RPN2: variants seen among roughly 807,000 people sequenced by gnomAD.
RPN2 encodes the protein ribophorin II.
Under a neutral mutation model 71.4 loss-of-function variants are expected in RPN2, and 29 were observed. The observed-to-expected ratio is 0.41, with a 90% CI of 0.30 to 0.55. RPN2 has a LOEUF of 0.55. Ranked by LOEUF, RPN2 falls within the 20% of genes least tolerant of loss-of-function variation. The pLI, the probability that RPN2 is intolerant of heterozygous loss-of-function variation, is 0.35. For synonymous variants in RPN2, 308 were observed against 305.0 expected, an observed-to-expected ratio of 1.01 and a Z score of -0.10; for missense variants, 726 against 774.1, an observed-to-expected ratio of 0.94 and a Z score of 0.74.
At chr20:37,199,515 G>A (rs544378777) in intron 4 of RPN2, among the ~76,000 whole-genome samples, 8 of 152,188 alleles carry the variant, frequency 5.3e-5, no homozygotes, top group Admixed American at 2.6e-4. Context: ...TGCCTTGTGC[G>A]GTTGGAGGGC....
chr20:37,184,469 C>T (rs1169885189), intron 2 of RPN2, 96 bp downstream of exon 2: 4 of 1,089,790 alleles, frequency 3.7e-6, no homozygotes, highest in African/African-American at 3.1e-5. Context: ...AACTCTTGCT[C>T]ATTTGAGGAT....
chr20:37,239,193 A>G (rs542617613), intron 16 of RPN2, among the ~76,000 whole-genome samples: 16 of 152,316 alleles, frequency 1.1e-4, no homozygotes, highest in Admixed American at 4.6e-4. Flanking sequence ...AACTGGCCAT[A>G]TGGTCTCTTG....
At chr20:37,221,001 G>A (rs1020508745) in intron 9 of RPN2, among the ~76,000 whole-genome samples, 1 of 152,148 alleles carries the variant, frequency 6.6e-6, no homozygotes, top group East Asian at 1.9e-4. Flanking sequence ...TTTGCCCTTT[G>A]CTCACTCCAT....
Position 37,225,721 on chromosome 20 carries a change from C to T in RPN2, c.1218C>T (p.Phe406=). 6.2e-7 allele frequency: 1 copy of T among 1,614,146 alleles called. No individual in the cohort carries two copies. The highest frequency in any genetic ancestry group is 8.5e-7 in the Non-Finnish European group (1 of 1,179,980). Residue 406 remains phenylalanine (F), a synonymous_variant, in exon 11 of 17, where the codon TTC becomes TTT. Transcript: ENST00000237530. Reference sequence around the variant, plus strand: ...ACCCAGCCAAAGCCAAGGGCACATTCATCGCAGACAGCCACCAGAACTTCG... The same window carrying T: ...ACCCAGCCAAAGCCAAGGGCACATTTATCGCAGACAGCCACCAGAACTTCG... The part of the protein sequence containing the change: ...VTYPAKAKGT[F]IADSHQNFAL...
intron 12 of RPN2, among the ~76,000 whole-genome samples, chr20:37,229,241 C>T (rs1370142739): frequency 6.6e-6 from 1 of 152,214 alleles, no homozygotes; most frequent in African/African-American, 2.4e-5. Flanking sequence ...ATAGTGCCTT[C>T]CTGCATGCCT....
Position 37,229,807 on chromosome 20 carries a change from T to TA in RPN2, c.1495-163dup. ...TTTCAGCAAATACTTGTTTTGTTCT[T>TA]AAAGTTTTTACTGCCTCAATTTGTC... On this transcript the variant is annotated intron_variant, in intron 12 of 16. Transcript: ENST00000237530. The TA allele has an allele frequency of 7.4e-6, 5 of 672,908 alleles. No homozygotes were observed. The East Asian group carries it at 1.1e-4, about 14-fold the overall frequency. The allele number at this position is 672,908 out of a possible 1,614,324, so 41.7% of individuals were successfully genotyped here. A position where few individuals can be genotyped will look rare whatever the true frequency, so the allele number is the denominator to read the frequency against.
rs6032178 is a variant in RPN2, at chr20:37,229,613, C to T, written c.1495-360C>T. On this transcript the variant is annotated intron_variant, in intron 12 of 16. Transcript: ENST00000237530. ...CTGTTTTTGTACAAGAGCGCATACT[C>T]ATTTCTTTCTCTCTTTTTCAAATGT... is the stretch of plus-strand genomic sequence containing the variant. 4.9e-3 allele frequency among the ~76,000 whole-genome samples: 748 copies of T among 152,232 alleles called. 8 individuals carry two copies. Among genetic ancestry groups the T allele is most frequent in the African/African-American group, 0.017 (709 of 41,528 alleles).
intron 8 of RPN2, among the ~76,000 whole-genome samples, chr20:37,211,457 G>A (rs2067664147): frequency 6.6e-6 from 1 of 151,032 alleles, no homozygotes; most frequent in Non-Finnish European, 1.5e-5. Context: ...TGGCCAACAT[G>A]GCGAAACCCC....
intron 10 of RPN2, among the ~76,000 whole-genome samples, chr20:37,224,357 G>A (rs76093293): frequency 0.045 from 6,893 of 152,120 alleles, 434 homozygotes; most frequent in African/African-American, 0.14. Flanking sequence ...ATTCTGGTGC[G>A]ATCTCCTTAT....
intron 2 of RPN2, among the ~76,000 whole-genome samples, chr20:37,188,290 T>C (rs1305479428): frequency 6.6e-6 from 1 of 151,852 alleles, no homozygotes; most frequent in East Asian, 2.0e-4. Context: ...TGCCTCAGCC[T>C]CCTATAGGTG....
At chr20:37,223,339 C>T (rs966242544) in intron 9 of RPN2, among the ~76,000 whole-genome samples, 6 of 152,222 alleles carry the variant, frequency 3.9e-5, no homozygotes, top group Admixed American at 1.3e-4. Flanking sequence ...AGTGCCTGAG[C>T]TTGACACTGG....
chr20:37,182,786 TTGTTACTGC>T, intron 1 of RPN2, among the ~76,000 whole-genome samples: 1 of 152,322 alleles, frequency 6.6e-6, no homozygotes, highest in East Asian at 1.9e-4. Context: ...TAGTGATTAT[TTGTTACTGC>T]TGTTACTTGG....
intron 13 of RPN2, among the ~76,000 whole-genome samples, chr20:37,230,364 C>T (rs2068206391): frequency 6.6e-6 from 1 of 152,182 alleles, no homozygotes; most frequent in African/African-American, 2.4e-5. Context: ...GCAGATGGTT[C>T]TAGCGTTTAT....
At chr20:37,214,751 T>C (rs1335327871) in intron 9 of RPN2, among the ~76,000 whole-genome samples, 1 of 152,180 alleles carries the variant, frequency 6.6e-6, no homozygotes, top group Non-Finnish European at 1.5e-5. Flanking sequence ...ATGATGTCGA[T>C]ATGTCTTATT....
chr20:37,191,658 C>CTTT (rs780662238), intron 2 of RPN2, among the ~76,000 whole-genome samples: 2 of 144,734 alleles, frequency 1.4e-5, no homozygotes, highest in Non-Finnish European at 1.5e-5. Flanking sequence ...GTCCCAGCTA[C>CTTT]TTTTTTTTTT....
At chr20:37,210,975 C>G (rs1041207966) in intron 8 of RPN2, among the ~76,000 whole-genome samples, 1 of 151,930 alleles carries the variant, frequency 6.6e-6, no homozygotes, top group Non-Finnish European at 1.5e-5. Flanking sequence ...ATTGCTTGAG[C>G]CTAGGAGTTT....
chr20:37,233,868 G>A (rs1397128702), intron 14 of RPN2, 152 bp from the exon 15 acceptor site: 5 of 836,976 alleles, frequency 6.0e-6, no homozygotes, highest in Non-Finnish European at 9.9e-6. Context: ...GCTTATAATA[G>A]GGTGGTTGTC....
At chr20:37,233,988 G>A in intron 14 of RPN2, 32 bp from the exon 15 acceptor site, 2 of 1,611,508 alleles carry the variant, frequency 1.2e-6, no homozygotes, top group Non-Finnish European at 1.7e-6. Context: ...AAGTTCTAAT[G>A]CCTTTTTAAT....
chr20:37,190,727 A>C (rs2067121327), intron 2 of RPN2, among the ~76,000 whole-genome samples: 1 of 152,178 alleles, frequency 6.6e-6, no homozygotes, highest in Non-Finnish European at 1.5e-5. Flanking sequence ...CTCAATCAAA[A>C]TGGGAGCTCT....
Sources: gnomAD v4.1 joint callset for allele counts (sites outside exome capture counted in the v4.1 genomes callset) on GRCh38, gnomAD v4.1.1 for gene constraint, MANE v1.5 for transcripts, NCBI Gene and HGNC (gene_info 2026-07-23, HGNC 2026-07-21) for gene names.